ENTPD2: variants seen among roughly 807,000 people sequenced by gnomAD.
ENTPD2 encodes the protein ectonucleoside triphosphate diphosphohydrolase 2, also known as CD39 antigen-like 1.
ENTPD2 carries 48 observed loss-of-function variants against 46.8 expected under a neutral mutation model. The observed-to-expected ratio is 1.03, with a 90% CI of 0.81 to 1.30. ENTPD2 has a LOEUF of 1.30. Among genes scored for constraint, ENTPD2 ranks in the 50% most tolerant of loss-of-function variants. The pLI, the probability that ENTPD2 is intolerant of heterozygous loss-of-function variation, is 0.00. For synonymous variants in ENTPD2, 316 were observed against 286.1 expected (o/e 1.10, Z -1.06); for missense variants, 707 against 651.1 (o/e 1.09, Z -0.93).
chr9:137,051,776 C>A lies in ENTPD2; in HGVS notation c.236-116G>T, dbSNP rs77863660. 963 of 1,412,070 alleles carry A rather than the reference C, an allele frequency of 6.8e-4. 4 individuals carry two copies. The African/African-American group carries it at 0.013, about 19-fold the overall frequency. 87.5% of individuals were successfully genotyped at this position (1,412,070 alleles called of 1,614,324 possible). A position where few individuals can be genotyped will look rare whatever the true frequency, so the allele number is the denominator to read the frequency against. Reference sequence around the variant, plus strand: ...TGGGCTCCCAGACCAGGTGGCACACCTTCCCTGCTTAAGCCCCCAGAAACG... The same window carrying A: ...TGGGCTCCCAGACCAGGTGGCACACATTCCCTGCTTAAGCCCCCAGAAACG... On this transcript the variant is annotated intron_variant, in intron 2 of 8. Coordinates refer to ENST00000355097, the MANE Select transcript of ENTPD2 (RefSeq NM_203468.3).
chr9:137,051,372 T>C lies in ENTPD2; in HGVS notation c.387-2A>G, dbSNP rs1238561396. 6.5e-7 allele frequency: 1 copy of C among 1,548,646 alleles called. No individual in the cohort carries two copies. The highest frequency in any genetic ancestry group is 2.3e-5 in the East Asian group (1 of 44,250). ...GTCGAGGCCTCTGGATTGGTCAGGC[T>C]GCAAAACACAGAGAACTCCAAGAGG... On this transcript the variant is annotated splice_acceptor_variant, in intron 3 of 8. Coordinates refer to ENST00000355097, the MANE Select transcript of ENTPD2 (RefSeq NM_203468.3). LOFTEE classifies it high-confidence loss of function.
chr9:137,051,014 G>T lies in ENTPD2; in HGVS notation c.662C>A (p.Ala221Asp), dbSNP rs1475310015. The change falls in exon 5 of 9, where the codon GCC (alanine) becomes GAC (aspartate). Residue 221 changes from alanine to aspartate, a missense_variant. Physicochemically the swap from Ala to Asp is moderately radical, Grantham distance 126. Coordinates refer to ENST00000355097, the MANE Select transcript of ENTPD2 (RefSeq NM_203468.3). ...FETTSPAEDR[A>D]SEVQLHLYGQ... The stretch of plus-strand genomic sequence containing the variant: ...GTAGAGATGCAGCTGGACCTCGCTG[G>T]CTCTGTCCTCAGCTGGACTGGTTGT... 1.2e-6 allele frequency: 2 copies of T among 1,612,830 alleles called. No homozygotes were observed. The highest frequency in any genetic ancestry group is 1.7e-6 in the Non-Finnish European group (2 of 1,180,000).
At chr9:137,052,501 GC>G (rs1453490068) in intron 1 of ENTPD2, among the ~76,000 whole-genome samples, 153 bp from the exon 2 acceptor site, 1 of 151,398 alleles carries the variant, frequency 6.6e-6, no homozygotes, top group African/African-American at 2.4e-5. Flanking sequence ...GGAGGCCAGG[GC>G]CTCCTCTGAG....
At position 137,048,603 on chromosome 9, in the gene ENTPD2, G is replaced by C; in HGVS notation, c.*54C>G. On this transcript the variant is annotated 3_prime_UTR_variant, in exon 9 of 9. Coordinates refer to ENST00000355097, the MANE Select transcript of ENTPD2 (RefSeq NM_203468.3). ...GGGGTTGTGGGAGGGGTGGGAGTAC[G>C]GGGTGGGGATACAGGGGTTGGGGGA... 6.8e-7 allele frequency: 1 copy of C among 1,477,850 alleles called. No homozygotes were observed. Among genetic ancestry groups the C allele is most frequent in the Non-Finnish European group, 9.1e-7 (1 of 1,104,870 alleles). 91.5% of individuals were successfully genotyped at this position (1,477,850 alleles called of 1,614,324 possible).
At position 137,052,455 on chromosome 9, in the gene ENTPD2, C is replaced by T. The variant is rs1166679199; in HGVS notation, c.118-107G>A. The stretch of plus-strand genomic sequence containing the variant: ...CAGTTTGCCACCGCTCCCCCCCCCA[C>T]CCAGTCATGTGCCAAGCCTCATGCT... On this transcript the variant is annotated intron_variant, in intron 1 of 8. Transcript: ENST00000355097. The T allele has an allele frequency of 2.6e-5, 21 of 820,702 alleles. No individual in the cohort carries two copies. In the African/African-American group the frequency reaches 4.0e-4, roughly 16 times the overall value. The allele number at this position is 820,702 out of a possible 1,614,324, so 50.8% of individuals were successfully genotyped here. A position where few individuals can be genotyped will look rare whatever the true frequency, so the allele number is the denominator to read the frequency against.
Position 137,049,907 on chromosome 9 carries a change from G to C in ENTPD2, c.1112C>G (p.Ala371Gly). Residue 371 changes from alanine (A) to glycine (G), a missense_variant, in exon 7 of 9, where the codon GCA becomes GGA. Ala to Gly is a moderately conservative substitution (Grantham distance 60). Coordinates refer to ENST00000355097, the MANE Select transcript of ENTPD2 (RefSeq NM_203468.3). ...CTGGTTGCAGACATTCACTGCGGCTGCCTCCAGCTGCTGCAGGGTGGCCAC... is the reference window on the plus strand; with the variant it reads ...CTGGTTGCAGACATTCACTGCGGCTCCCTCCAGCTGCTGCAGGGTGGCCAC... Reference protein sequence around the residue: ...LPVATLQQLEAAAVNVCNQTW... With the variant: ...LPVATLQQLEGAAVNVCNQTW... 1 of 1,612,378 alleles carries C rather than the reference G, an allele frequency of 6.2e-7. No homozygotes were observed. Among genetic ancestry groups the C allele is most frequent in the East Asian group, 2.2e-5 (1 of 44,882 alleles).
chr9:137,052,658 T>G, intron 1 of ENTPD2: 1 of 205,048 alleles, frequency 4.9e-6, no homozygotes, highest in Non-Finnish European at 9.9e-6. Context: ...GGACAGAGGG[T>G]CCCCAGGGAC....
chr9:137,051,975 C>A (rs373036715), intron 2 of ENTPD2, among the ~76,000 whole-genome samples: 51 of 152,124 alleles, frequency 3.4e-4, no homozygotes, highest in Admixed American at 2.0e-3. Context: ...CCTGCTCCAT[C>A]TGGGGCACAG....
rs756382655 is a variant in ENTPD2, at chr9:137,051,294, G to A, written c.463C>T (p.Arg155Trp). The A allele has an allele frequency of 9.9e-6, 16 of 1,609,020 alleles. No individual in the cohort carries two copies. Among genetic ancestry groups the A allele is most frequent in the African/African-American group, 6.7e-5 (5 of 74,890 alleles). The change falls in exon 4 of 9, where the codon CGG becomes TGG. Residue 155 changes from arginine to tryptophan, a missense_variant. Physicochemically the swap from Arg to Trp is moderately radical, Grantham distance 101 (BLOSUM62 -3). Transcript: ENST00000355097. ...TGGCCCGAGAGGATGCGTGCACCCC[G>A]GAAGTCAAAGGGGTACTGGGTCAGT... ...HTLTQYPFDF[R>W]GARILSGQEE...
intron 7 of ENTPD2, 192 bp downstream of exon 7, chr9:137,049,678 T>A (rs1832219351): frequency 3.2e-6 from 2 of 627,390 alleles, no homozygotes; most frequent in South Asian, 4.3e-5. Context: ...TGGCGAAGCT[T>A]CTCCAACCCG....
At chr9:137,052,096 T>C in intron 2 of ENTPD2, 135 bp downstream of exon 2, 1 of 782,694 alleles carries the variant, frequency 1.3e-6, no homozygotes, top group Non-Finnish European at 2.1e-6. Flanking sequence ...CACCAGCCTC[T>C]CTCTTTCCAG....
chr9:137,051,115 G>GCCC lies in ENTPD2; in HGVS notation c.558_560dup (p.Gly187dup), dbSNP rs369416410. The GCCC allele has an allele frequency of 1.1e-4, 183 of 1,612,806 alleles. No individual in the cohort carries two copies. The East Asian group carries it at 2.4e-3, about 21-fold the overall frequency. On this transcript the variant is annotated inframe_insertion, in exon 5 of 9. Transcript: ENST00000355097. ...TCCCCTTCCGTGGCCGGAACCACCG[G>GCCC]CCCACCCAGCCGTACTGTGGAGAGG...
At position 137,051,148 on chromosome 9, in the gene ENTPD2, G is replaced by A. The variant is rs753853340; in HGVS notation, c.547-19C>T. 6.2e-7 allele frequency: 1 copy of A among 1,612,446 alleles called. No homozygotes were observed. The highest frequency in any genetic ancestry group is 1.1e-5 in the South Asian group (1 of 91,074). ...AGCCGTACTGTGGAGAGGGGAGTGT[G>A]GGGTCAACCAGGGGCCGAGGGCGCC... On this transcript the variant is annotated intron_variant, in intron 4 of 8. Transcript: ENST00000355097.
In ENTPD2 at chr9:137,049,867, C is replaced by G. The variant is rs753234356; in HGVS notation, c.1149+3G>C. 1.9e-6 allele frequency: 3 copies of G among 1,609,258 alleles called. No individual in the cohort carries two copies. In the African/African-American group the frequency reaches 4.0e-5, roughly 21 times the overall value. ...GCCCTGAAGGAGTGGGAGCGGGGCT[C>G]ACCTGAGCCCAGGTCTGGTTGCAGA... On this transcript the variant is annotated splice_donor_region_variant and intron_variant, in intron 7 of 8. Transcript: ENST00000355097.
In ENTPD2 at chr9:137,051,066, C is replaced by T; in HGVS notation, c.610G>A (p.Gly204Ser). The T allele has an allele frequency of 6.2e-7, 1 of 1,612,852 alleles. No individual in the cohort carries two copies. The change falls in exon 5 of 9, where the codon GGT (glycine) becomes AGT (serine). Residue 204 changes from glycine to serine, a missense_variant. Gly to Ser is a moderately conservative substitution (Grantham distance 56, BLOSUM62 0). Transcript: ENST00000355097. ...KGTLGAMDLG[G>S]ASTQITFETT... is the part of the protein sequence containing the mutation. The stretch of plus-strand genomic sequence containing the variant: ...TCAAAAGTGATCTGGGTAGAGGCAC[C>T]CCCCAGGTCCATGGCCCCCAGTGTC...
intron 7 of ENTPD2, 88 bp from the exon 8 acceptor site, chr9:137,049,163 C>T (rs948706107): frequency 6.5e-7 from 1 of 1,529,844 alleles, no homozygotes; most frequent in Non-Finnish European, 8.8e-7. Context: ...GTGCTTCACC[C>T]CTCCCCAGAC....
In ENTPD2 at chr9:137,052,440, C is replaced by A. The variant is rs528104035; in HGVS notation, c.118-92G>T. ...GAAGTTGGGTTCCTCCAGTTTGCCA[C>A]CGCTCCCCCCCCCACCCAGTCATGT... On this transcript the variant is annotated intron_variant, in intron 1 of 8. Transcript: ENST00000355097. 39 of 933,980 alleles carry A rather than the reference C, an allele frequency of 4.2e-5. No individual in the cohort carries two copies. The African/African-American group carries it at 1.1e-3, about 25-fold the overall frequency. The allele number at this position is 933,980 out of a possible 1,614,324, so 57.9% of individuals were successfully genotyped here. A position where few individuals can be genotyped will look rare whatever the true frequency, so the allele number is the denominator to read the frequency against.
At position 137,048,858 on chromosome 9, in the gene ENTPD2, G is replaced by A. The variant is rs768417706; in HGVS notation, c.1287C>T (p.Ala429=). Residue 429 remains alanine, a splice_region_variant and synonymous_variant, in exon 9 of 9, where the codon GCC becomes GCT. Coordinates refer to ENST00000355097, the MANE Select transcript of ENTPD2 (RefSeq NM_203468.3). ...GCGCCCAGCCCACTGCAGTGTCCGC[G>A]GCCTGCGGGGAAGGGCGTGGCCTCA... ...AFGGVIFQKK[A]ADTAVGWALG... 5 of 1,533,670 alleles carry A rather than the reference G, an allele frequency of 3.3e-6. No individual in the cohort carries two copies. The highest frequency in any genetic ancestry group is 4.4e-6 in the Non-Finnish European group (5 of 1,142,414).
rs973718352 is a variant in ENTPD2 at position 137,054,040 on chromosome 9, G to A, written c.-43C>T. 39 of 1,172,082 alleles carry A rather than the reference G, an allele frequency of 3.3e-5. No homozygotes were observed. Among genetic ancestry groups the A allele is most frequent in the South Asian group, 1.3e-4 (3 of 23,508 alleles). 72.6% of individuals were successfully genotyped at this position (1,172,082 alleles called of 1,614,324 possible). A position where few individuals can be genotyped will look rare whatever the true frequency, so the allele number is the denominator to read the frequency against. The stretch of plus-strand genomic sequence containing the variant: ...GGAGGACGATGCGTGGACCCGGAGA[G>A]TGCGGGGAGCCGGAGGCGGAGGCGG... On this transcript the variant is annotated 5_prime_UTR_variant, in exon 1 of 9. Coordinates refer to ENST00000355097, the MANE Select transcript of ENTPD2 (RefSeq NM_203468.3).
Sources: allele counts gnomAD v4.1 joint callset (sites outside exome capture counted in the v4.1 genomes callset), GRCh38; gene constraint gnomAD v4.1.1; transcripts MANE v1.5; gene names NCBI Gene and HGNC (gene_info 2026-07-23, HGNC 2026-07-21).